IL21R: variants seen among roughly 807,000 people sequenced by gnomAD.
IL21R encodes interleukin-21 receptor.
In IL21R, 14 loss-of-function variants were observed where a neutral mutation model predicts 41.3. That is an observed-to-expected ratio of 0.34 (90% CI 0.22 to 0.53). The LOEUF (loss-of-function observed/expected upper bound fraction) is 0.53, where lower values mean the gene tolerates loss of function less well. Ranked by LOEUF, IL21R falls within the 20% of genes least tolerant of loss-of-function variation. IL21R has a pLI of 0.94. For synonymous variants in IL21R, 286 were observed against 287.6 expected (o/e 0.99, Z 0.05); for missense variants, 588 against 681.6 (o/e 0.86, Z 1.53).
At chr16:27,423,341 A>G (rs1021504332) in intron 1 of IL21R, among the ~76,000 whole-genome samples, 7 of 152,098 alleles carry the variant, frequency 4.6e-5, no homozygotes, top group African/African-American at 1.4e-4. Flanking sequence ...ATTTTACAAA[A>G]CTAAGCCTCA....
intron 1 of IL21R, among the ~76,000 whole-genome samples, chr16:27,429,788 T>A (rs1052038309): frequency 6.6e-6 from 1 of 151,936 alleles, no homozygotes; most frequent in African/African-American, 2.4e-5. Context: ...AATATTAAAA[T>A]AAAATAATAA....
chr16:27,413,723 C>A lies in IL21R; in HGVS notation c.-17+11105C>A, dbSNP rs191662496. On this transcript the variant is annotated intron_variant, in intron 1 of 8. Transcript: ENST00000337929. ...ACTAATTTATTTGAAGTATCCAATTCGTTGGCATATAATTGTTCATAGTAG... is the reference window on the plus strand; with the variant it reads ...ACTAATTTATTTGAAGTATCCAATTAGTTGGCATATAATTGTTCATAGTAG... Among the ~76,000 whole-genome samples, 49 of 151,826 alleles carry A rather than the reference C, an allele frequency of 3.2e-4. No individual in the cohort carries two copies. The East Asian group carries it at 7.0e-3, about 22-fold the overall frequency.
chr16:27,419,051 A>G (rs2086954447), intron 1 of IL21R, among the ~76,000 whole-genome samples: 1 of 151,994 alleles, frequency 6.6e-6, no homozygotes, highest in Non-Finnish European at 1.5e-5. Flanking sequence ...CCCCATCTCT[A>G]CTAAAAATAC....
At chr16:27,435,931 CCTGG>C (rs1257244941) in intron 3 of IL21R, among the ~76,000 whole-genome samples, 1 of 152,130 alleles carries the variant, frequency 6.6e-6, no homozygotes, top group African/African-American at 2.4e-5. Context: ...CACCACCATG[CCTGG>C]CTAATTTTTG....
intron 1 of IL21R, among the ~76,000 whole-genome samples, chr16:27,410,628 G>A (rs1203316514): frequency 2.0e-5 from 3 of 152,180 alleles, no homozygotes; most frequent in Non-Finnish European, 2.9e-5. Flanking sequence ...AATCTAACAA[G>A]AGAGGGTATT....
At chr16:27,434,299 G>T (rs765073295) in intron 2 of IL21R, 48 bp from the exon 3 acceptor site, 1 of 1,245,840 alleles carries the variant, frequency 8.0e-7, no homozygotes, top group African/African-American at 1.5e-5. Context: ...AAGCTCTGCA[G>T]TCCCAAGCCA....
intron 1 of IL21R, among the ~76,000 whole-genome samples, chr16:27,410,923 GT>G (rs1307728252): frequency 6.6e-6 from 1 of 152,116 alleles, no homozygotes; most frequent in East Asian, 1.9e-4. Flanking sequence ...TGCAGTATTT[GT>G]TTTTTTGCAA....
In IL21R at chr16:27,429,999, G is replaced by A. The variant is rs950823296; in HGVS notation, c.-16-57G>A. 1.2e-5 allele frequency: 17 copies of A among 1,445,462 alleles called. No individual in the cohort carries two copies. In the South Asian group the frequency reaches 1.9e-4, roughly 16 times the overall value. 89.5% of individuals were successfully genotyped at this position (1,445,462 alleles called of 1,614,324 possible). ...GCCTGGGAAGAGACAGGATGAGGGG[G>A]AGGCCGGGGGAGCCCTGAGCCCGCC... On this transcript the variant is annotated intron_variant, in intron 1 of 8. Transcript: ENST00000337929.
chr16:27,428,163 G>C (rs3093292), intron 1 of IL21R, among the ~76,000 whole-genome samples: 55,210 of 151,856 alleles, frequency 0.36, 10,397 homozygotes, highest in East Asian at 0.54. Context: ...GGGGCCATCT[G>C]CAGGGTTTTA....
At chr16:27,445,547 C>G (rs527523409) in intron 7 of IL21R, among the ~76,000 whole-genome samples, 15 of 152,318 alleles carry the variant, frequency 9.8e-5, no homozygotes, top group African/African-American at 3.4e-4. Context: ...AGTCACACAG[C>G]TCCAAGGTGG....
intron 4 of IL21R, chr16:27,442,536 G>T (rs753969194): frequency 5.2e-5 from 8 of 152,592 alleles, no homozygotes; most frequent in Non-Finnish European, 1.2e-4. Context: ...GCTAATTTTT[G>T]TATTTTTAGT....
At chr16:27,434,502 C>A in intron 3 of IL21R, 53 bp downstream of exon 3, 3 of 1,124,950 alleles carry the variant, frequency 2.7e-6, no homozygotes, top group South Asian at 2.5e-5. Context: ...GGTGCCTGCT[C>A]AGTGATTCCC....
At chr16:27,444,790 C>T (rs906925935) in intron 6 of IL21R, 71 bp downstream of exon 6, 8 of 1,374,846 alleles carry the variant, frequency 5.8e-6, no homozygotes, top group Non-Finnish European at 7.8e-6. Context: ...CACCCTAAGC[C>T]CTGAGCTTTC....
chr16:27,403,146 T>A (rs777153022), intron 1 of IL21R: 151 of 1,081,942 alleles, frequency 1.4e-4, no homozygotes, highest in Middle Eastern at 6.5e-4. Context: ...ACGTAGCAGG[T>A]CGGGCAGTCA....
chr16:27,432,625 T>G lies in IL21R; in HGVS notation c.50-1722T>G, dbSNP rs78464636. On this transcript the variant is annotated intron_variant, in intron 2 of 8. Coordinates refer to ENST00000337929, the MANE Select transcript of IL21R (RefSeq NM_181078.3). ...GAGAAAGAACCACGAGGATACGAAC[T>G]CAGAGATGACACAGCTACTTAGAGG... is the stretch of plus-strand genomic sequence containing the variant. Among the ~76,000 whole-genome samples the G allele has an allele frequency of 8.9e-4, 135 of 152,302 alleles. 2 individuals are homozygous for G. The East Asian group carries it at 0.024, about 27-fold the overall frequency.
intron 1 of IL21R, among the ~76,000 whole-genome samples, chr16:27,428,374 A>C (rs3093294): frequency 0.042 from 6,433 of 152,320 alleles, 147 homozygotes; most frequent in Non-Finnish European, 0.054. Context: ...GGATGGGGCC[A>C]GAGTAGGATC....
chr16:27,427,442 C>A, intron 1 of IL21R: 1 of 504,948 alleles, frequency 2.0e-6, no homozygotes, highest in Non-Finnish European at 2.6e-6. Context: ...TTCATTCAGG[C>A]TGGAGTGCAA....
At chr16:27,414,371 C>G (rs1325995945) in intron 1 of IL21R, among the ~76,000 whole-genome samples, 1 of 151,840 alleles carries the variant, frequency 6.6e-6, no homozygotes, top group Non-Finnish European at 1.5e-5. Flanking sequence ...GTCATACTAA[C>G]CTTACATTCC....
At chr16:27,428,232 T>C (rs2087110367) in intron 1 of IL21R, among the ~76,000 whole-genome samples, 1 of 152,344 alleles carries the variant, frequency 6.6e-6, no homozygotes, top group Non-Finnish European at 1.5e-5. Context: ...GTTTCCACTT[T>C]ACAAGGCTCA....
Sources: allele counts gnomAD v4.1 joint callset (sites outside exome capture counted in the v4.1 genomes callset), GRCh38; gene constraint gnomAD v4.1.1; transcripts MANE v1.5; gene names NCBI Gene and HGNC (gene_info 2026-07-23, HGNC 2026-07-21).